CAMKK2: variants seen among roughly 807,000 people sequenced by gnomAD.
CAMKK2 encodes calcium/calmodulin-dependent protein kinase kinase 2.
In CAMKK2, 30 loss-of-function variants were observed where a neutral mutation model predicts 67.2. That is an observed-to-expected ratio of 0.45 (90% CI 0.33 to 0.61). The LOEUF is 0.61. CAMKK2 is among the 20% of genes least tolerant of loss of function. The pLI is 0.02. For synonymous variants in CAMKK2, 322 were observed against 326.2 expected (o/e 0.99, Z 0.14); for missense variants, 643 against 802.0 (o/e 0.80, Z 2.39).
intron 1 of CAMKK2, among the ~76,000 whole-genome samples, chr12:121,276,355 CTA>C (rs1896811738): frequency 6.6e-6 from 1 of 151,892 alleles, no homozygotes; most frequent in Admixed American, 6.6e-5. Flanking sequence ...GTAATCCCAG[CTA>C]CTCGGGAGGC....
rs1260889716 is a variant in CAMKK2 at position 121,285,438 on chromosome 12, G to A, written c.-59-10853C>T. Among the ~76,000 whole-genome samples the A allele has an allele frequency of 5.9e-5, 9 of 152,130 alleles. No homozygotes were observed. The highest frequency in any genetic ancestry group is 5.9e-4 in the Admixed American group (9 of 15,282). ...GAATCACTTGAACCCGGGAGGGGGA[G>A]GTTGCAGTGAGCCAAGATTGCACCA... On this transcript the variant is annotated intron_variant, in intron 1 of 16. Transcript: ENST00000404169. This position sits in a 1 kb window ranked among gnomAD's most constrained non-coding sequence, Gnocchi z 4.1.
intron 1 of CAMKK2, among the ~76,000 whole-genome samples, chr12:121,294,973 C>T (rs570893937): frequency 6.6e-6 from 1 of 152,242 alleles, no homozygotes; most frequent in East Asian, 1.9e-4. Context: ...AGTTCAAGAC[C>T]AGCCTGACCA....
chr12:121,289,920 GGGGAGCCAAGGGA>G (rs1566146305), intron 1 of CAMKK2, among the ~76,000 whole-genome samples: 1 of 93,312 alleles, frequency 1.1e-5, no homozygotes, highest in African/African-American at 1.1e-4. Context: ...AAGGCGGGGC[GGGGAGCCAAGGGA>G]GGCCTAAGAC....
Position 121,245,127 on chromosome 12 carries a change from G to T in CAMKK2, c.1553+13C>A. On this transcript the variant is annotated intron_variant, in intron 15 of 16. Coordinates refer to ENST00000404169, the MANE Select transcript of CAMKK2 (RefSeq NM_001270485.2). The surrounding 1 kb of genome is among the most constrained non-coding windows in gnomAD (Gnocchi z 5.8). ...CACCACTCCCCCACCCAAGAAGGCA[G>T]GCGGCCACTCACGTGAGCAAGTTTC... is the stretch of plus-strand genomic sequence containing the variant. The T allele has an allele frequency of 6.4e-7, 1 of 1,569,636 alleles. No homozygotes were observed. Among genetic ancestry groups the T allele is most frequent in the East Asian group, 2.3e-5 (1 of 43,022 alleles).
At chr12:121,269,785 A>C in intron 3 of CAMKK2, 1 of 543,556 alleles carries the variant, frequency 1.8e-6, no homozygotes, top group Non-Finnish European at 3.3e-6. Flanking sequence ...GCAGTGGCTC[A>C]TACCTGTAAT....
chr12:121,288,752 A>G (rs1289120977), intron 1 of CAMKK2, among the ~76,000 whole-genome samples: 1 of 151,850 alleles, frequency 6.6e-6, no homozygotes, highest in Non-Finnish European at 1.5e-5. Context: ...TCCTCCGAGG[A>G]CCACCATCCC....
upstream of CAMKK2, chr12:121,297,640 A>G (rs1901527574): frequency 1.9e-6 from 1 of 517,748 alleles, no homozygotes; most frequent in South Asian, 1.4e-5. Context: ...GAACCGTCCT[A>G]CGGGGTCGAG....
At chr12:121,263,632 A>T (rs950041854) in intron 6 of CAMKK2, among the ~76,000 whole-genome samples, 174 bp downstream of exon 6, 2 of 150,532 alleles carry the variant, frequency 1.3e-5, no homozygotes, top group African/African-American at 4.9e-5. Context: ...AAAAGAAAGA[A>T]GAGAAAAAAT....
intron 16 of CAMKK2, among the ~76,000 whole-genome samples, chr12:121,243,300 G>C (rs1224927031): frequency 6.6e-6 from 1 of 151,722 alleles, no homozygotes; most frequent in Non-Finnish European, 1.5e-5. Context: ...CAAAGTGCTG[G>C]GATTACAGGC....
chr12:121,241,535 C>T (rs964561927), intron 16 of CAMKK2, among the ~76,000 whole-genome samples: 1 of 152,238 alleles, frequency 6.6e-6, no homozygotes, highest in South Asian at 2.1e-4. Context: ...GGTGTGACAG[C>T]GTGGATGGCG....
At chr12:121,270,245 C>A (rs1216173020) in intron 3 of CAMKK2, among the ~76,000 whole-genome samples, 1 of 151,994 alleles carries the variant, frequency 6.6e-6, no homozygotes, top group African/African-American at 2.4e-5. Flanking sequence ...TGGTGCACAC[C>A]TGTACTCCCA....
intron 5 of CAMKK2, among the ~76,000 whole-genome samples, chr12:121,268,129 A>C (rs1895026577): frequency 8.6e-6 from 1 of 115,846 alleles, no homozygotes; most frequent in Non-Finnish European, 1.9e-5. Flanking sequence ...TAATGGATGA[A>C]TATTCCACTG....
chr12:121,274,965 C>T lies in CAMKK2; in HGVS notation c.-59-380G>A, dbSNP rs562748012. Among the ~76,000 whole-genome samples, 3 of 151,852 alleles carry T rather than the reference C, an allele frequency of 2.0e-5. No homozygotes were observed. The East Asian group carries it at 5.8e-4, about 29-fold the overall frequency. On this transcript the variant is annotated intron_variant, in intron 1 of 16. Coordinates refer to ENST00000404169, the MANE Select transcript of CAMKK2 (RefSeq NM_001270485.2). ...TGGAACCACTTCTCACATACCATGA[C>T]AATAATTCCTAACTCAATTCCTATA... is the stretch of plus-strand genomic sequence containing the variant.
chr12:121,240,655 C>A lies in CAMKK2; in HGVS notation c.*44G>T. Reference sequence around the variant, plus strand: ...ATGGAAACGCGGTGCAGCAGCCCCCCAGAGGCGACGCGGCGCGCATGCGAG... The same window carrying A: ...ATGGAAACGCGGTGCAGCAGCCCCCAAGAGGCGACGCGGCGCGCATGCGAG... On this transcript the variant is annotated 3_prime_UTR_variant, in exon 17 of 17. Coordinates refer to ENST00000404169, the MANE Select transcript of CAMKK2 (RefSeq NM_001270485.2). The surrounding 1 kb of genome is among the most constrained non-coding windows in gnomAD (Gnocchi z 4.4). 10 of 1,550,342 alleles carry A rather than the reference C, an allele frequency of 6.5e-6. 1 individual carries two copies. Among genetic ancestry groups the A allele is most frequent in the East Asian group, 2.4e-5 (1 of 41,640 alleles).
chr12:121,253,574 G>C lies in CAMKK2; in HGVS notation c.908-102C>G. ...GGAGACACAGGCATGGCACCCCTCT[G>C]ATGCCTTGTCTCCCACAGCCCCAGG... On this transcript the variant is annotated intron_variant, in intron 9 of 16. Coordinates refer to ENST00000404169, the MANE Select transcript of CAMKK2 (RefSeq NM_001270485.2). This position sits in a 1 kb window ranked among gnomAD's most constrained non-coding sequence, Gnocchi z 5.0. 5 of 974,854 alleles carry C rather than the reference G, an allele frequency of 5.1e-6. No homozygotes were observed. In the South Asian group the frequency reaches 6.7e-5, roughly 13 times the overall value. 60.4% of individuals were successfully genotyped at this position (974,854 alleles called of 1,614,324 possible).
chr12:121,292,686 T>C lies in CAMKK2; in HGVS notation c.-60+3952A>G, dbSNP rs115139746. On this transcript the variant is annotated intron_variant, in intron 1 of 16. Transcript: ENST00000404169. Reference sequence around the variant, plus strand: ...GCAAAACATGGAAGAAAAATAGCAGTAGGCCAGACACAATGGCTATAATCC... The same window carrying C: ...GCAAAACATGGAAGAAAAATAGCAGCAGGCCAGACACAATGGCTATAATCC... Among the ~76,000 whole-genome samples the C allele has an allele frequency of 9.8e-3, 1,488 of 152,186 alleles. 24 individuals carry two copies. The highest frequency in any genetic ancestry group is 0.032 in the African/African-American group (1,338 of 41,520).
rs1361920300 is a variant in CAMKK2, at chr12:121,285,385, C to G, written c.-59-10800G>C. 6.6e-6 allele frequency among the ~76,000 whole-genome samples: 1 copy of G among 152,176 alleles called. No individual in the cohort carries two copies. The highest frequency in any genetic ancestry group is 2.4e-5 in the African/African-American group (1 of 41,430). On this transcript the variant is annotated intron_variant, in intron 1 of 16. Transcript: ENST00000404169. The surrounding 1 kb of genome is among the most constrained non-coding windows in gnomAD (Gnocchi z 4.1). The stretch of plus-strand genomic sequence containing the variant: ...AGGTATGGTGGCGCATGCCTGTTAT[C>G]CCAGCTACTCAGGAGGCTGAGGCAC...
rs1451181234 is a variant in CAMKK2 at position 121,245,975 on chromosome 12, CCTT to C, written c.1453-738_1453-736del. Among the ~76,000 whole-genome samples the C allele has an allele frequency of 6.6e-6, 1 of 152,094 alleles. No homozygotes were observed. Among genetic ancestry groups the C allele is most frequent in the Non-Finnish European group, 1.5e-5 (1 of 68,028 alleles). ...CTACAACACAAACGGACCCTGAAAA[CCTT>C]CTCCTACGTCAAAGTAGCCAGGCCC... On this transcript the variant is annotated intron_variant, in intron 14 of 16. Coordinates refer to ENST00000404169, the MANE Select transcript of CAMKK2 (RefSeq NM_001270485.2). This position sits in a 1 kb window ranked among gnomAD's most constrained non-coding sequence, Gnocchi z 5.8.
intron 6 of CAMKK2, among the ~76,000 whole-genome samples, chr12:121,263,210 G>A (rs943511244): frequency 1.3e-5 from 2 of 152,112 alleles, no homozygotes; most frequent in African/African-American, 4.8e-5. Context: ...TCTAGAGCAG[G>A]GGCTGGCAAA....
Sources: allele counts gnomAD v4.1 joint callset (sites outside exome capture counted in the v4.1 genomes callset), GRCh38; gene constraint gnomAD v4.1.1; non-coding constraint Gnocchi (gnomAD v3.1); transcripts MANE v1.5; gene names NCBI Gene and HGNC (gene_info 2026-07-23, HGNC 2026-07-21).